The following CNTNAP3B variants were observed in gnomAD, a reference collection of about 807,000 sequenced individuals.
CNTNAP3B encodes the protein contactin-associated protein-like 3B.
CNTNAP3B carries 25 observed loss-of-function variants against 108.9 expected under a neutral mutation model. The observed-to-expected ratio is 0.23, with a 90% CI of 0.17 to 0.32. CNTNAP3B has a LOEUF of 0.32. CNTNAP3B is among the 10% of genes least tolerant of loss of function. The probability of loss-of-function intolerance (pLI) is 1.00; values close to 1 mark genes in which losing one functional copy is unlikely to be tolerated. For synonymous variants in CNTNAP3B, 103 were observed against 473.4 expected, an observed-to-expected ratio of 0.22 and a Z score of 10.16; for missense variants, 252 against 1,210.4, an observed-to-expected ratio of 0.21 and a Z score of 11.75.
chr9:41,932,411 T>C (rs1824004118), intron 14 of CNTNAP3B, among the ~76,000 whole-genome samples: 1 of 151,900 alleles, frequency 6.6e-6, no homozygotes, highest in Non-Finnish European at 1.5e-5. Flanking sequence ...TACTACTTAT[T>C]ATTTGCCAGG....
chr9:42,129,249 G>A lies in CNTNAP3B; in HGVS notation c.-155C>T. ...CTCTAGCTCTCTTCCTCACGCACTG[G>A]CAGCCTCCCTCGGCGCTGCAGACCC... On this transcript the variant is annotated 5_prime_UTR_variant, in exon 1 of 24. Transcript: ENST00000377561. The A allele has an allele frequency of 1.7e-6, 2 of 1,149,704 alleles. No homozygotes were observed. Among genetic ancestry groups the A allele is most frequent in the Non-Finnish European group, 2.3e-6 (2 of 873,760 alleles). The allele number at this position is 1,149,704 out of a possible 1,614,324, so 71.2% of individuals were successfully genotyped here.
chr9:42,026,853 G>A (rs1826420669), intron 3 of CNTNAP3B, among the ~76,000 whole-genome samples: 1 of 133,708 alleles, frequency 7.5e-6, no homozygotes, highest in African/African-American at 3.0e-5. Context: ...ACCCAATCCT[G>A]CTGAGCCAAA....
chr9:41,934,515 C>T (rs1284053153), intron 14 of CNTNAP3B, among the ~76,000 whole-genome samples: 1 of 152,252 alleles, frequency 6.6e-6, no homozygotes, highest in Non-Finnish European at 1.5e-5. Context: ...GCCACGGCGC[C>T]CTGCCACTTC....
chr9:42,103,416 G>GA (rs1828038724), intron 2 of CNTNAP3B, among the ~76,000 whole-genome samples: 3 of 47,858 alleles, frequency 6.3e-5, no homozygotes, highest in Admixed American at 2.4e-4. Flanking sequence ...GCAACAGGGA[G>GA]TTAAAAAAAA....
At chr9:41,933,673 T>C (rs1332399463) in intron 14 of CNTNAP3B, among the ~76,000 whole-genome samples, 4 of 152,272 alleles carry the variant, frequency 2.6e-5, no homozygotes. Context: ...CTTTATATTA[T>C]TTTGGATTTT....
chr9:42,042,456 A>C (rs1220077686), intron 3 of CNTNAP3B, among the ~76,000 whole-genome samples: 3 of 141,662 alleles, frequency 2.1e-5, no homozygotes, highest in East Asian at 2.0e-4. Context: ...TGGGTTCTGC[A>C]CTCATGAATC....
At chr9:41,941,445 A>G (rs1303877381) in intron 13 of CNTNAP3B, among the ~76,000 whole-genome samples, 1 of 151,310 alleles carries the variant, frequency 6.6e-6, no homozygotes, top group Non-Finnish European at 1.5e-5. Context: ...TAGAACAGGG[A>G]CATTACATAA....
At chr9:42,094,434 T>C (rs1218261439) in intron 2 of CNTNAP3B, among the ~76,000 whole-genome samples, 1 of 128,146 alleles carries the variant, frequency 7.8e-6, no homozygotes, top group Non-Finnish European at 1.6e-5. Context: ...GTGGCTGGAC[T>C]GCTTGAGCCC....
chr9:41,933,477 A>AT (rs1028025038), intron 14 of CNTNAP3B, among the ~76,000 whole-genome samples: 3 of 152,326 alleles, frequency 2.0e-5, no homozygotes, highest in South Asian at 4.1e-4. Flanking sequence ...AAGTTTTGTA[A>AT]TTTTTTCCAT....
At position 42,128,234 on chromosome 9, in the gene CNTNAP3B, G is replaced by T. The variant is rs998265789; in HGVS notation, c.85+776C>A. 1.4e-5 allele frequency among the ~76,000 whole-genome samples: 2 copies of T among 139,706 alleles called. 1 individual carries two copies. Among genetic ancestry groups the T allele is most frequent in the African/African-American group, 5.7e-5 (2 of 35,244 alleles). The allele number at this position is 139,706 out of a possible 152,430, so 91.7% of individuals were successfully genotyped here. ...ACATTATGTTTTGCTCATCTGTCTG[G>T]AATATCATCATTATATTAGAATCAT... On this transcript the variant is annotated intron_variant, in intron 1 of 23. Coordinates refer to ENST00000377561, the MANE Select transcript of CNTNAP3B (RefSeq NM_001201380.3).
intron 3 of CNTNAP3B, among the ~76,000 whole-genome samples, chr9:42,014,430 G>A: frequency 1.1e-5 from 1 of 89,018 alleles, no homozygotes; most frequent in South Asian, 3.4e-4. Flanking sequence ...TATGGAACAG[G>A]CCAGCAGTTA....
At chr9:42,077,110 T>C in intron 2 of CNTNAP3B, 48 bp from the exon 3 acceptor site, 1 of 1,491,384 alleles carries the variant, frequency 6.7e-7, no homozygotes, top group Middle Eastern at 2.4e-4. Flanking sequence ...AGGAAGTTAT[T>C]TAACATAGCT....
intron 18 of CNTNAP3B, among the ~76,000 whole-genome samples, chr9:41,917,347 A>G (rs1349361215): frequency 7.1e-6 from 1 of 141,232 alleles, no homozygotes; most frequent in East Asian, 2.0e-4. Context: ...AGTTATCAAC[A>G]TTCTCTTAAT....
chr9:42,060,801 G>T (rs1344638720), intron 3 of CNTNAP3B, among the ~76,000 whole-genome samples: 2 of 104,604 alleles, frequency 1.9e-5, no homozygotes, highest in Non-Finnish European at 3.8e-5. Flanking sequence ...ATTTGTTGAG[G>T]TATACTTATT....
intron 13 of CNTNAP3B, among the ~76,000 whole-genome samples, chr9:41,942,861 T>G (rs1327326754): frequency 2.6e-5 from 4 of 152,156 alleles, no homozygotes; most frequent in Non-Finnish European, 4.4e-5. Context: ...AAGAGCAAAT[T>G]CAGCCTAACT....
chr9:41,942,171 T>A (rs939031036), intron 13 of CNTNAP3B, among the ~76,000 whole-genome samples: 2 of 152,262 alleles, frequency 1.3e-5, no homozygotes, highest in Admixed American at 1.3e-4. Context: ...ACTGACCTAA[T>A]CCTAAGAGTA....
rs1828586958 is a variant in CNTNAP3B at position 42,127,032 on chromosome 9, G to T, written c.85+1978C>A. ...GATGTCCTTATTGACTTTCTTCTTG[G>T]TATTGAAGGTGGTATAATTATTATA... On this transcript the variant is annotated intron_variant, in intron 1 of 23. Transcript: ENST00000377561. Among the ~76,000 whole-genome samples the T allele has an allele frequency of 1.4e-5, 2 of 138,848 alleles. 1 individual carries two copies. Among genetic ancestry groups the T allele is most frequent in the Non-Finnish European group, 3.1e-5 (2 of 64,938 alleles). The allele number at this position is 138,848 out of a possible 152,430, so 91.1% of individuals were successfully genotyped here. A position where few individuals can be genotyped will look rare whatever the true frequency, so the allele number is the denominator to read the frequency against.
chr9:42,057,502 G>C lies in CNTNAP3B; in HGVS notation c.390+19367C>G, dbSNP rs1403880953. Among the ~76,000 whole-genome samples the C allele has an allele frequency of 3.2e-5, 4 of 125,712 alleles. 1 individual carries two copies. Among genetic ancestry groups the C allele is most frequent in the African/African-American group, 6.5e-5 (2 of 30,884 alleles). 82.5% of individuals were successfully genotyped at this position (125,712 alleles called of 152,430 possible). On this transcript the variant is annotated intron_variant, in intron 3 of 23. Coordinates refer to ENST00000377561, the MANE Select transcript of CNTNAP3B (RefSeq NM_001201380.3). The stretch of plus-strand genomic sequence containing the variant: ...TTACAGGCCTGAGCCACCGCATCCA[G>C]CCTCTAGGTATTTTTCTAATTGGTA...
intron 14 of CNTNAP3B, among the ~76,000 whole-genome samples, chr9:41,930,099 T>C: frequency 6.6e-6 from 1 of 152,306 alleles, no homozygotes. Flanking sequence ...AGTCCTTTTA[T>C]GATTACTGGG....
Sources: allele counts gnomAD v4.1 joint callset (sites outside exome capture counted in the v4.1 genomes callset), GRCh38; gene constraint gnomAD v4.1.1; transcripts MANE v1.5; gene names NCBI Gene and HGNC (gene_info 2026-07-23, HGNC 2026-07-21).